The following RMST variants were observed in gnomAD, a reference collection of about 807,000 sequenced individuals.
RMST encodes the protein long intergenic non-protein coding RNA 54.
chr12:97,480,089 C>CTTT (rs369247317), intron 5 of RMST, among the ~76,000 whole-genome samples: 20 of 90,984 alleles, frequency 2.2e-4, no homozygotes, highest in African/African-American at 6.8e-4. Context: ...TTTCTTTTTT[C>CTTT]TTTTTTTTTC....
rs533223838 is a variant in RMST at position 97,544,187 on chromosome 12, G to GA, written n.1545+13333dup. ...CCAAAGCATATTGTCAAACTAAATGGAAAAATTGGTATTGGGGGTTTTATC... is the reference window on the plus strand; with the variant it reads ...CCAAAGCATATTGTCAAACTAAATGGAAAAAATTGGTATTGGGGGTTTTATC... On this transcript the variant is annotated intron_variant and non_coding_transcript_variant, in intron 11 of 13. Coordinates refer to ENST00000640149, the Ensembl canonical transcript of RMST. Among the ~76,000 whole-genome samples, 253 of 152,114 alleles carry GA rather than the reference G, an allele frequency of 1.7e-3. 2 individuals are homozygous for GA. Among genetic ancestry groups the GA allele is most frequent in the African/African-American group, 5.8e-3 (241 of 41,514 alleles).
At chr12:97,538,626 T>G (rs1320334301) in intron 11 of RMST, among the ~76,000 whole-genome samples, 2 of 151,408 alleles carry the variant, frequency 1.3e-5, no homozygotes, top group African/African-American at 4.8e-5. Flanking sequence ...GAGTTTAAGA[T>G]CCCTATTAGA....
chr12:97,515,230 C>T (rs1262121189), intron 10 of RMST, among the ~76,000 whole-genome samples: 1 of 152,082 alleles, frequency 6.6e-6, no homozygotes, highest in Non-Finnish European at 1.5e-5. Flanking sequence ...TAGGCCTAAA[C>T]TAAACCAAAT....
At chr12:97,540,390 T>A (rs918851250) in intron 11 of RMST, among the ~76,000 whole-genome samples, 1 of 151,792 alleles carries the variant, frequency 6.6e-6, no homozygotes, top group African/African-American at 2.4e-5. Flanking sequence ...TTGAAAAAGA[T>A]GTATATTTTT....
chr12:97,536,204 C>T (rs1428137300), intron 11 of RMST, among the ~76,000 whole-genome samples: 5 of 150,668 alleles, frequency 3.3e-5, no homozygotes, highest in Non-Finnish European at 7.4e-5. Context: ...ATGACAAATG[C>T]ATTTAAAGGA....
At chr12:97,466,733 G>C (rs763911606) in intron 5 of RMST, among the ~76,000 whole-genome samples, 6 of 152,038 alleles carry the variant, frequency 3.9e-5, no homozygotes, top group Non-Finnish European at 8.8e-5. Context: ...TGTTTTTATT[G>C]CTCATTCTAG....
At position 97,546,992 on chromosome 12, in the gene RMST, A is replaced by G. The variant is rs73386733; in HGVS notation, n.1546-13545A>G. ...CTCCTGGTAACCACCATTTTTCTCT[A>G]TCTTTCTATGAGTTAAACTTTTGTA... On this transcript the variant is annotated intron_variant and non_coding_transcript_variant, in intron 11 of 13. Transcript: ENST00000640149. 9.4e-3 allele frequency among the ~76,000 whole-genome samples: 1,429 copies of G among 151,698 alleles called. 28 individuals are homozygous for G. Among genetic ancestry groups the G allele is most frequent in the African/African-American group, 0.032 (1,335 of 41,362 alleles).
intron 10 of RMST, among the ~76,000 whole-genome samples, chr12:97,518,751 A>G (rs1027244007): frequency 6.6e-6 from 1 of 152,076 alleles, no homozygotes; most frequent in Non-Finnish European, 1.5e-5. Flanking sequence ...TACCTTATCA[A>G]GTCCTAAGTC....
intron 11 of RMST, among the ~76,000 whole-genome samples, chr12:97,557,893 T>C (rs780340597): frequency 6.6e-6 from 1 of 152,162 alleles, no homozygotes; most frequent in Non-Finnish European, 1.5e-5. Flanking sequence ...CAACCTCACT[T>C]AATCTTTACA....
At chr12:97,538,208 A>G (rs1257433838) in intron 11 of RMST, among the ~76,000 whole-genome samples, 1 of 151,474 alleles carries the variant, frequency 6.6e-6, no homozygotes, top group Admixed American at 6.6e-5. Flanking sequence ...AGCAATTCAC[A>G]GGACTGAAAG....
At chr12:97,475,080 A>G (rs143511365) in intron 5 of RMST, among the ~76,000 whole-genome samples, 2 of 152,298 alleles carry the variant, frequency 1.3e-5, no homozygotes, top group African/African-American at 2.4e-5. Context: ...TGAAATCTAA[A>G]TTGCAGTGCT....
intron 5 of RMST, among the ~76,000 whole-genome samples, chr12:97,471,726 A>C (rs1579238): frequency 6.6e-6 from 1 of 152,068 alleles, no homozygotes; most frequent in Non-Finnish European, 1.5e-5. Context: ...CACAATGAGA[A>C]TAGCAAATGG....
intron 10 of RMST, among the ~76,000 whole-genome samples, chr12:97,525,628 T>A (rs1881016860): frequency 6.6e-6 from 1 of 152,210 alleles, no homozygotes; most frequent in African/African-American, 2.4e-5. Flanking sequence ...GCTCCTTGTA[T>A]ATTTTTCAGA....
chr12:97,474,832 A>T (rs1459765037), intron 5 of RMST, among the ~76,000 whole-genome samples: 1 of 152,110 alleles, frequency 6.6e-6, no homozygotes, highest in East Asian at 1.9e-4. Context: ...ATTTAATTTT[A>T]GTGTCATGTC....
chr12:97,479,917 C>T (rs953274257), intron 5 of RMST, among the ~76,000 whole-genome samples: 8 of 152,238 alleles, frequency 5.3e-5, no homozygotes, highest in Admixed American at 1.3e-4. Context: ...TCCCCCTTAA[C>T]GTAGTTTCTC....
chr12:97,538,828 G>A (rs1311612154), intron 11 of RMST, among the ~76,000 whole-genome samples: 1 of 151,290 alleles, frequency 6.6e-6, no homozygotes, highest in East Asian at 1.9e-4. Flanking sequence ...TTTAGATCCT[G>A]CAGAATTACA....
chr12:97,496,866 A>T (rs1202419697), intron 10 of RMST, among the ~76,000 whole-genome samples: 1 of 152,222 alleles, frequency 6.6e-6, no homozygotes, highest in African/African-American at 2.4e-5. Context: ...AAGGGAGCTT[A>T]GATCACTCTG....
chr12:97,548,292 A>G (rs1423103415), intron 11 of RMST, among the ~76,000 whole-genome samples: 2 of 152,028 alleles, frequency 1.3e-5, no homozygotes, highest in African/African-American at 2.4e-5. Context: ...TTTGATTACT[A>G]TAGCTTTGTA....
chr12:97,498,137 GA>G (rs1877664325), intron 10 of RMST, among the ~76,000 whole-genome samples: 1 of 152,058 alleles, frequency 6.6e-6, no homozygotes, highest in African/African-American at 2.4e-5. Flanking sequence ...TTTTTAATTG[GA>G]AGCTTTGTGA....
Sources: allele counts gnomAD v4.1 joint callset (sites outside exome capture counted in the v4.1 genomes callset), GRCh38; gene constraint gnomAD v4.1.1; transcripts MANE v1.5; gene names NCBI Gene and HGNC (gene_info 2026-07-23, HGNC 2026-07-21).